Variants in DNAH12 observed in about 807,000 individuals in gnomAD.
The protein encoded by DNAH12 is axonemal beta dynein heavy chain 12.
DNAH12 carries 285 observed loss-of-function variants against 371.5 expected under a neutral mutation model. The observed-to-expected ratio is 0.77, with a 90% confidence interval of 0.70 to 0.85. The LOEUF (loss-of-function observed/expected upper bound fraction) is 0.85. DNAH12 is among the 40% of genes least tolerant of loss of function. DNAH12 has a pLI of 0.00. For synonymous variants in DNAH12, 1,200 were observed against 1,213.0 expected, an observed-to-expected ratio of 0.99 and a Z score of 0.22; for missense variants, 3,611 against 3,689.4, an observed-to-expected ratio of 0.98 and a Z score of 0.55.
At chr3:57,510,057 C>T (rs184103417) in intron 5 of DNAH12, among the ~76,000 whole-genome samples, 46 of 151,580 alleles carry the variant, frequency 3.0e-4, no homozygotes, top group Middle Eastern at 3.4e-3. Context: ...TATTTCAAAA[C>T]GTATTGTACA....
At chr3:57,455,682 G>A (rs977014402) in intron 22 of DNAH12, among the ~76,000 whole-genome samples, 9 of 152,100 alleles carry the variant, frequency 5.9e-5, no homozygotes, top group East Asian at 1.9e-4. Context: ...CACTAATAGC[G>A]CCCTTGTATT....
At chr3:57,457,306 T>C (rs1318792998) in intron 22 of DNAH12, among the ~76,000 whole-genome samples, 1 of 152,216 alleles carries the variant, frequency 6.6e-6, no homozygotes, top group Non-Finnish European at 1.5e-5. Context: ...ACTCCAGACA[T>C]ATTTGTCTTC....
At chr3:57,464,343 G>T (rs1289047126) in intron 17 of DNAH12, among the ~76,000 whole-genome samples, 1 of 151,932 alleles carries the variant, frequency 6.6e-6, no homozygotes, top group African/African-American at 2.4e-5. Context: ...CAGGTCTCCT[G>T]GGCACAAACT....
chr3:57,423,594 A>G (rs1056253821), intron 35 of DNAH12, among the ~76,000 whole-genome samples: 9 of 152,246 alleles, frequency 5.9e-5, no homozygotes, highest in Admixed American at 2.0e-4. Context: ...CTGTGAGGGG[A>G]GAGGGAGGAG....
intron 60 of DNAH12, 133 bp downstream of exon 60, chr3:57,351,952 A>C: frequency 3.4e-6 from 3 of 874,698 alleles, no homozygotes; most frequent in Non-Finnish European, 5.0e-6. Flanking sequence ...CATTGTTATC[A>C]GTGAAATGCA....
chr3:57,370,225 C>T (rs1018904901), intron 55 of DNAH12, among the ~76,000 whole-genome samples: 2 of 152,130 alleles, frequency 1.3e-5, no homozygotes, highest in Admixed American at 6.6e-5. Flanking sequence ...CTCCTACCTC[C>T]ACCTAGGAGA....
intron 40 of DNAH12, among the ~76,000 whole-genome samples, chr3:57,406,252 G>A (rs2064021984): frequency 6.6e-6 from 1 of 151,138 alleles, no homozygotes; most frequent in African/African-American, 2.4e-5. Flanking sequence ...GCAGGAGGCT[G>A]AGGCAGGAGA....
In DNAH12 at chr3:57,472,662, G is replaced by T. The variant is rs534723794; in HGVS notation, c.1660C>A (p.Arg554Ser). The change falls in exon 14 of 74, where the codon CGC (arginine) becomes AGC (serine). Residue 554 changes from arginine to serine, a missense_variant. Coordinates refer to ENST00000495027, the MANE Select transcript of DNAH12 (RefSeq NM_001366028.2). ...ELILRIQESK[R>S]QMSYFLDVFL... Reference sequence around the variant, plus strand: ...ACATCTAAAAAGTAACTCATTTGGCGTTTAGATTCCTACAAAAGAAACTCT... The same window carrying T: ...ACATCTAAAAAGTAACTCATTTGGCTTTTAGATTCCTACAAAAGAAACTCT... The T allele has an allele frequency of 6.5e-7, 1 of 1,549,018 alleles. No individual in the cohort carries two copies. Among genetic ancestry groups the T allele is most frequent in the Non-Finnish European group, 8.7e-7 (1 of 1,146,218 alleles).
chr3:57,478,221 G>A (rs1161769265), intron 13 of DNAH12, among the ~76,000 whole-genome samples: 1 of 152,086 alleles, frequency 6.6e-6, no homozygotes, highest in Non-Finnish European at 1.5e-5. Flanking sequence ...ATGCAGAGAA[G>A]TCCTTAAAGG....
rs1332182044 is a variant in DNAH12 at position 57,479,358 on chromosome 3, C to T, written c.1650+4018G>A. ...CATAATGGTAAAGGGATCAATTCAA[C>T]AAGAAGAGCTAACTATCCTAAATAT... On this transcript the variant is annotated intron_variant, in intron 13 of 73. Transcript: ENST00000495027. 2.6e-5 allele frequency among the ~76,000 whole-genome samples: 4 copies of T among 152,218 alleles called. No individual in the cohort carries two copies. The East Asian group carries it at 7.7e-4, about 29-fold the overall frequency.
intron 15 of DNAH12, among the ~76,000 whole-genome samples, chr3:57,470,944 T>A (rs1324179335): frequency 6.6e-6 from 1 of 152,032 alleles, no homozygotes; most frequent in Admixed American, 6.6e-5. Context: ...TGACCTCAGG[T>A]GATCTGCCCA....
chr3:57,363,419 G>GT (rs1284513916), intron 58 of DNAH12, among the ~76,000 whole-genome samples, 175 bp downstream of exon 58: 1 of 152,030 alleles, frequency 6.6e-6, no homozygotes, highest in African/African-American at 2.4e-5. Context: ...TAATTTAACA[G>GT]TAAGATATTC....
intron 5 of DNAH12, among the ~76,000 whole-genome samples, chr3:57,509,861 TA>T (rs902155403): frequency 0.013 from 583 of 46,512 alleles, no homozygotes; most frequent in Middle Eastern, 0.038. Flanking sequence ...GACTCCATCA[TA>T]AAAAAAAAAA....
chr3:57,535,512 T>C (rs1464915606), intron 2 of DNAH12, among the ~76,000 whole-genome samples: 1 of 152,138 alleles, frequency 6.6e-6, no homozygotes, highest in African/African-American at 2.4e-5. Context: ...GTGAGCTAAA[T>C]AAACCTCTAT....
intron 30 of DNAH12, among the ~76,000 whole-genome samples, chr3:57,436,396 G>A (rs936945490): frequency 6.6e-6 from 1 of 152,048 alleles, no homozygotes. Context: ...TCTAGAACTG[G>A]GGCCCTCACA....
In DNAH12 at chr3:57,428,803, A is replaced by G. The variant is rs1272785778; in HGVS notation, c.5083T>C (p.Cys1695Arg). 1 of 1,539,070 alleles carries G rather than the reference A, an allele frequency of 6.5e-7. No individual in the cohort carries two copies. Among genetic ancestry groups the G allele is most frequent in the Admixed American group, 2.1e-5 (1 of 47,150 alleles). ...GAAGGCTCCAAATAAATCATACCAC[A>G]ACGACTTACAGTGGCAGGCTAGAGA... ...SQASPATVSRCGMIYLEPSQL... is the reference protein window; with the variant it reads ...SQASPATVSRRGMIYLEPSQL... Residue 1695 changes from cysteine to arginine, a missense_variant, in exon 34 of 74, where the codon TGT (cysteine) becomes CGT (arginine). Cys to Arg is a radical substitution (Grantham distance 180). Around this residue, in one of 3 missense-constraint regions of DNAH12, gnomAD observed 2,266 missense variants for 2,236.9 expected, o/e 1.01. Coordinates refer to ENST00000495027, the MANE Select transcript of DNAH12 (RefSeq NM_001366028.2).
intron 35 of DNAH12, among the ~76,000 whole-genome samples, chr3:57,423,049 C>T (rs1048481998): frequency 1.3e-5 from 2 of 152,090 alleles, no homozygotes; most frequent in African/African-American, 4.8e-5. Flanking sequence ...ATATTAGCTG[C>T]CTTCAGTGTG....
Position 57,527,523 on chromosome 3 carries a change from T to C in DNAH12, c.171-3639A>G, listed in dbSNP as rs2068691450. 2.6e-5 allele frequency among the ~76,000 whole-genome samples: 4 copies of C among 152,154 alleles called. No individual in the cohort carries two copies. In the South Asian group the frequency reaches 8.3e-4, roughly 32 times the overall value. ...GTGAAGGAAGAGCAGGCATGTCACA[T>C]GGCGAAAGCAGGAGCAAGAGCAGGG... On this transcript the variant is annotated intron_variant, in intron 2 of 73. Coordinates refer to ENST00000495027, the MANE Select transcript of DNAH12 (RefSeq NM_001366028.2).
intron 45 of DNAH12, among the ~76,000 whole-genome samples, chr3:57,388,863 T>C (rs897121805): frequency 0.094 from 13,268 of 141,158 alleles, 1,996 homozygotes; most frequent in African/African-American, 0.32. Flanking sequence ...ATGAGAACAC[T>C]TGGACACAGG....
Sources: gnomAD v4.1 joint callset for allele counts (sites outside exome capture counted in the v4.1 genomes callset) on GRCh38, gnomAD v4.1.1 for gene constraint, gnomAD v4.1.1 regional missense constraint, MANE v1.5 for transcripts, NCBI Gene and HGNC (gene_info 2026-07-23, HGNC 2026-07-21) for gene names.